Variants in EPS8L1 observed in about 807,000 individuals in gnomAD.
The protein encoded by EPS8L1 is EPS8 signaling adaptor L1.
A neutral mutation model predicts 91.7 loss-of-function variants in EPS8L1; 101 were observed. That is an observed-to-expected ratio of 1.10 (90% confidence interval 0.94 to 1.30). The LOEUF is 1.30. Ranked by LOEUF, EPS8L1 falls within the 50% of genes most tolerant of loss-of-function variation. The pLI is 0.00. For missense variants in EPS8L1, 1,114 were observed against 1,017.0 expected, an observed-to-expected ratio of 1.10 and a Z score of -1.30; for synonymous variants, 506 against 445.3, an observed-to-expected ratio of 1.14 and a Z score of -1.72.
In EPS8L1 at chr19:55,086,065, T is replaced by C; in HGVS notation, c.1523T>C (p.Leu508Pro). 1 of 1,594,726 alleles carries C rather than the reference T, an allele frequency of 6.3e-7. No individual in the cohort carries two copies. Among genetic ancestry groups the C allele is most frequent in the African/African-American group, 1.3e-5 (1 of 74,686 alleles). The change falls in exon 16 of 20, where the codon CTG becomes CCG. Residue 508 changes from leucine to proline, a missense_variant. Transcript: ENST00000201647. ...TCTGTTCTTTACCACACCCAGGTCC[T>C]GGATGACAGTCGTAAGTGGTGGAAG... ...SVKQRDVLEV[L>P]DDSRKWWKVR...
chr19:55,086,934 G>A lies in EPS8L1; in HGVS notation c.1952+46G>A, dbSNP rs944844312. 8 of 1,403,876 alleles carry A rather than the reference G, an allele frequency of 5.7e-6. No individual in the cohort carries two copies. The Admixed American group carries it at 2.5e-4, about 43-fold the overall frequency. The allele number at this position is 1,403,876 out of a possible 1,614,324, so 87.0% of individuals were successfully genotyped here. A position where few individuals can be genotyped will look rare whatever the true frequency, so the allele number is the denominator to read the frequency against. ...CTCGGCGCGGGTTGATACGGACGCT[G>A]GGAGCGGAGCGTTCCGATCGGCCGG... On this transcript the variant is annotated intron_variant, in intron 18 of 19. Coordinates refer to ENST00000201647, the MANE Select transcript of EPS8L1 (RefSeq NM_133180.3).
Position 55,081,039 on chromosome 19 carries a change from T to C in EPS8L1, c.512+185T>C. The C allele has an allele frequency of 1.1e-6, 1 of 924,294 alleles. No individual in the cohort carries two copies. The highest frequency in any genetic ancestry group is 1.6e-6 in the Non-Finnish European group (1 of 632,210). The allele number at this position is 924,294 out of a possible 1,614,324, so 57.3% of individuals were successfully genotyped here. On this transcript the variant is annotated intron_variant, in intron 7 of 19. Transcript: ENST00000201647. The surrounding 1 kb of genome is among the most constrained non-coding windows in gnomAD (Gnocchi z 4.9). Reference sequence around the variant, plus strand: ...CCAGAACTCTGCTTCTTTTCTCTGTTCCCTGTCCAGGCCCTCAGTTTCACT... The same window carrying C: ...CCAGAACTCTGCTTCTTTTCTCTGTCCCCTGTCCAGGCCCTCAGTTTCACT...
chr19:55,086,907 C>G lies in EPS8L1; in HGVS notation c.1952+19C>G. The G allele has an allele frequency of 7.1e-7, 1 of 1,414,070 alleles. No homozygotes were observed. The highest frequency in any genetic ancestry group is 9.2e-7 in the Non-Finnish European group (1 of 1,090,008). The allele number at this position is 1,414,070 out of a possible 1,614,324, so 87.6% of individuals were successfully genotyped here. On this transcript the variant is annotated intron_variant, in intron 18 of 19. Transcript: ENST00000201647. ...GCTCCGGGTGAGTGGGGCCGGGGCC[C>G]TCTCGGCGCGGGTTGATACGGACGC...
At position 55,083,549 on chromosome 19, in the gene EPS8L1, C is replaced by CT. The variant is rs2076316556; in HGVS notation, c.1356+31dup. ...CCCAAGCGACACAGCAGGGCCGAGGCTGGGAAGTCCGGGGGCGCGGCCGGT... is the reference window on the plus strand; with the variant it reads ...CCCAAGCGACACAGCAGGGCCGAGGCTTGGGAAGTCCGGGGGCGCGGCCGGT... On this transcript the variant is annotated intron_variant, in intron 13 of 19. Coordinates refer to ENST00000201647, the MANE Select transcript of EPS8L1 (RefSeq NM_133180.3). The surrounding 1 kb of genome is among the most constrained non-coding windows in gnomAD (Gnocchi z 4.7). 3 of 1,603,108 alleles carry CT rather than the reference C, an allele frequency of 1.9e-6. No individual in the cohort carries two copies. In the African/African-American group the frequency reaches 4.0e-5, roughly 21 times the overall value.
At chr19:55,077,971 T>C (rs374634829) in intron 2 of EPS8L1, 117 bp from the exon 3 acceptor site, 8 of 467,254 alleles carry the variant, frequency 1.7e-5, no homozygotes, top group East Asian at 1.1e-4. Flanking sequence ...ATAATAATAA[T>C]AACCCTTCCA....
chr19:55,078,955 G>A (rs371856434), intron 3 of EPS8L1, 44 bp from the exon 4 acceptor site: 8 of 1,601,328 alleles, frequency 5.0e-6, no homozygotes, highest in Non-Finnish European at 6.8e-6. Flanking sequence ...TGGAGGAGGG[G>A]CTGGGCCTGG....
In EPS8L1 at chr19:55,086,838, G is replaced by A. The variant is rs1317554275; in HGVS notation, c.1902G>A (p.Ser634=). 2 of 1,535,008 alleles carry A rather than the reference G, an allele frequency of 1.3e-6. No homozygotes were observed. The highest frequency in any genetic ancestry group is 1.7e-6 in the Non-Finnish European group (2 of 1,142,866). The stretch of plus-strand genomic sequence containing the variant: ...CGGAACCGCAGCTCAGCCCGGGCTC[G>A]GACGCCTCCGAGGTCCGCGCCTGGC... The part of the protein sequence containing the change: ...RAPEPQLSPG[S]DASEVRAWLQ... The change falls in exon 18 of 20, where the codon TCG becomes TCA. Residue 634 remains serine, a synonymous_variant. Coordinates refer to ENST00000201647, the MANE Select transcript of EPS8L1 (RefSeq NM_133180.3).
In EPS8L1 at chr19:55,076,427, G is replaced by A. The variant is rs2076136162; in HGVS notation, c.-18G>A. ...TCCCAGGGCACCTCCAGGTGGGCAG[G>A]AGCTACCACTCAGCACCATGAGCAC... On this transcript the variant is annotated 5_prime_UTR_variant, in exon 2 of 20. Transcript: ENST00000201647. 1.9e-6 allele frequency: 3 copies of A among 1,611,732 alleles called. 1 individual carries two copies. The highest frequency in any genetic ancestry group is 2.2e-5 in the South Asian group (2 of 90,994).
chr19:55,081,399 G>A lies in EPS8L1; in HGVS notation c.681G>A (p.Glu227=), dbSNP rs776607052. The A allele has an allele frequency of 1.4e-5, 22 of 1,589,734 alleles. No individual in the cohort carries two copies. The South Asian group carries it at 2.4e-4, about 17-fold the overall frequency. The change falls in exon 8 of 20, where the codon GAG becomes GAA. Residue 227 remains glutamate (E), a synonymous_variant. Coordinates refer to ENST00000201647, the MANE Select transcript of EPS8L1 (RefSeq NM_133180.3). This position sits in a 1 kb window ranked among gnomAD's most constrained non-coding sequence, Gnocchi z 4.9. ...AGGCAGAGGAGGCGCAGAGGCCTGAGCCGGTGGGGACCTCGAGCAACGCTG... is the reference window on the plus strand; with the variant it reads ...AGGCAGAGGAGGCGCAGAGGCCTGAACCGGTGGGGACCTCGAGCAACGCTG... ...IPEAEEAQRP[E]PVGTSSNADS...
rs1001982734 is a variant in EPS8L1 at position 55,079,540 on chromosome 19, G to T, written c.118-150G>T. 2.0e-5 allele frequency: 18 copies of T among 886,408 alleles called. No individual in the cohort carries two copies. The African/African-American group carries it at 2.7e-4, about 13-fold the overall frequency. The allele number at this position is 886,408 out of a possible 1,614,324, so 54.9% of individuals were successfully genotyped here. A position where few individuals can be genotyped will look rare whatever the true frequency, so the allele number is the denominator to read the frequency against. On this transcript the variant is annotated intron_variant, in intron 4 of 19. Coordinates refer to ENST00000201647, the MANE Select transcript of EPS8L1 (RefSeq NM_133180.3). ...GAAAGGGAAACAAAGGGCACTGGGA[G>T]GAGGAGCTGATTTGTGGAACAGGTG... is the stretch of plus-strand genomic sequence containing the variant.
At chr19:55,086,351 T>G (rs375610116) in intron 16 of EPS8L1, 41 bp from the exon 17 acceptor site, 280 of 1,600,394 alleles carry the variant, frequency 1.7e-4, no homozygotes, top group Non-Finnish European at 2.2e-4. Context: ...GGACTCTGAG[T>G]CCTCTCCCTA....
chr19:55,079,497 G>C, intron 4 of EPS8L1, 193 bp from the exon 5 acceptor site: 1 of 661,362 alleles, frequency 1.5e-6, no homozygotes, highest in African/African-American at 1.8e-5. Context: ...GCCAGACTCA[G>C]GTGCTAGTCA....
rs577443611 is a variant in EPS8L1 at position 55,087,715 on chromosome 19, A to G, written c.*101A>G. The G allele has an allele frequency of 2.4e-6, 3 of 1,225,928 alleles. No individual in the cohort carries two copies. In the South Asian group the frequency reaches 3.9e-5, roughly 16 times the overall value. The allele number at this position is 1,225,928 out of a possible 1,614,324, so 75.9% of individuals were successfully genotyped here. ...AAGTCGATCTTCTGAAGGATGGCCA[A>G]TCTGCTCCGGCCCTGGTCTTCCCCC... On this transcript the variant is annotated 3_prime_UTR_variant, in exon 20 of 20. Coordinates refer to ENST00000201647, the MANE Select transcript of EPS8L1 (RefSeq NM_133180.3).
rs780163521 is a variant in EPS8L1 at position 55,080,810 on chromosome 19, C to A, written c.468C>A (p.His156Gln). The A allele has an allele frequency of 2.4e-5, 38 of 1,611,938 alleles. No individual in the cohort carries two copies. Among genetic ancestry groups the A allele is most frequent in the Middle Eastern group, 3.3e-4 (2 of 6,060 alleles). Residue 156 changes from histidine (H) to glutamine (Q), a missense_variant, in exon 7 of 20, where the codon CAC (histidine) becomes CAA (glutamine). Coordinates refer to ENST00000201647, the MANE Select transcript of EPS8L1 (RefSeq NM_133180.3). ...GAGAGGACATCCAGGGGGCTCTGCA[C>A]AATTACCGCTCGGGCCGCGGGGAGC... ...LIREDIQGAL[H>Q]NYRSGRGERR... is the part of the protein sequence containing the mutation.
At position 55,081,736 on chromosome 19, in the gene EPS8L1, T is replaced by C. The variant is rs763760127; in HGVS notation, c.775-37T>C. Reference sequence around the variant, plus strand: ...GCTTCGACGGGGATGGTTTTGGAACTCGGGAGCCCTGAGCGTCCCCCTCCT... The same window carrying C: ...GCTTCGACGGGGATGGTTTTGGAACCCGGGAGCCCTGAGCGTCCCCCTCCT... On this transcript the variant is annotated intron_variant, in intron 8 of 19. Coordinates refer to ENST00000201647, the MANE Select transcript of EPS8L1 (RefSeq NM_133180.3). This position sits in a 1 kb window ranked among gnomAD's most constrained non-coding sequence, Gnocchi z 4.9. 1 of 1,574,068 alleles carries C rather than the reference T, an allele frequency of 6.4e-7. No homozygotes were observed. Among genetic ancestry groups the C allele is most frequent in the South Asian group, 1.1e-5 (1 of 87,280 alleles).
chr19:55,078,903 T>TCAGGGGGAAGAGGGGC (rs2076192614), intron 3 of EPS8L1, 96 bp from the exon 4 acceptor site: 1 of 1,238,980 alleles, frequency 8.1e-7, no homozygotes, highest in Non-Finnish European at 1.2e-6. Context: ...GACTCCTAGG[T>TCAGGGGGAAGAGGGGC]TTGAGGGAGG....
rs1320281070 is a variant in EPS8L1 at position 55,081,231 on chromosome 19, G to A, written c.513G>A (p.Arg171=). ...TTGGTGTCCCCGTCGCCCTCCGCAG[G>A]GCCACGCAGGAGGAGTTGCAGCGCG... ...GRGERRAAAL[R]ATQEELQRDR... The change falls in exon 8 of 20, where the codon AGG becomes AGA. Residue 171 remains arginine, a splice_region_variant and synonymous_variant. Coordinates refer to ENST00000201647, the MANE Select transcript of EPS8L1 (RefSeq NM_133180.3). This position sits in a 1 kb window ranked among gnomAD's most constrained non-coding sequence, Gnocchi z 4.9. The A allele has an allele frequency of 1.3e-5, 19 of 1,510,652 alleles. No individual in the cohort carries two copies. The highest frequency in any genetic ancestry group is 1.6e-5 in the Non-Finnish European group (18 of 1,141,166). The allele number at this position is 1,510,652 out of a possible 1,614,324, so 93.6% of individuals were successfully genotyped here.
Position 55,087,412 on chromosome 19 carries a change from A to G in EPS8L1, c.2062A>G (p.Thr688Ala). 2 of 1,614,030 alleles carry G rather than the reference A, an allele frequency of 1.2e-6. No individual in the cohort carries two copies. The highest frequency in any genetic ancestry group is 4.5e-5 in the East Asian group (2 of 44,848). Residue 688 changes from threonine (T) to alanine (A), a missense_variant, in exon 19 of 20, where the codon ACC becomes GCC. Transcript: ENST00000201647. ...EEGARVYSQV[T>A]VQRSLLEDKE... ...GGGGGCACGTGTGTACAGCCAGGTCACCGTGCAGCGCTCGCTGCTGGAGGT... is the reference window on the plus strand; with the variant it reads ...GGGGGCACGTGTGTACAGCCAGGTCGCCGTGCAGCGCTCGCTGCTGGAGGT...
intron 7 of EPS8L1, 113 bp downstream of exon 7, chr19:55,080,967 C>A: frequency 9.3e-7 from 1 of 1,070,378 alleles, no homozygotes; most frequent in Non-Finnish European, 1.3e-6. Context: ...GTCAAGCACA[C>A]CCTAGTCGAG....
Sources: gnomAD v4.1 joint callset for allele counts on GRCh38, gnomAD v4.1.1 for gene constraint, Gnocchi (gnomAD v3.1) non-coding constraint, MANE v1.5 for transcripts, NCBI Gene and HGNC (gene_info 2026-07-23, HGNC 2026-07-21) for gene names.